The following FAS variants were observed in gnomAD, a reference collection of about 807,000 sequenced individuals.
The protein encoded by FAS is Fas cell surface death receptor.
Under a neutral mutation model 33.2 loss-of-function variants are expected in FAS, and 5 were observed. That is an observed-to-expected ratio of 0.15 (90% confidence interval 0.08 to 0.32). The LOEUF (loss-of-function observed/expected upper bound fraction) is 0.32. Among genes scored for constraint, FAS ranks in the 10% least tolerant of loss-of-function variants. FAS has a pLI of 1.00. For missense variants in FAS, 339 were observed against 386.0 expected, an observed-to-expected ratio of 0.88 and a Z score of 1.02; for synonymous variants, 131 against 130.7, an observed-to-expected ratio of 1.00 and a Z score of -0.01.
chr10:88,974,874 C>T (rs1297110011), intron 2 of FAS: 1 of 152,130 alleles, frequency 6.6e-6, no homozygotes, highest in African/African-American at 2.4e-5. Flanking sequence ...TACTATATAG[C>T]GCTCTAAATC....
Position 89,008,961 on chromosome 10 carries a change from A to G in FAS, c.407A>G (p.Asn136Ser), listed in dbSNP as rs1384882125. ...KCRCKPNFFC[N>S]STVCEHCDPC... is the part of the protein sequence containing the mutation. Reference sequence around the variant, plus strand: ...AGATGTAAACCAAACTTTTTTTGTAACTCTACTGTATGTGAACACTGTGAC... The same window carrying G: ...AGATGTAAACCAAACTTTTTTTGTAGCTCTACTGTATGTGAACACTGTGAC... The change falls in exon 4 of 9, where the codon AAC (asparagine) becomes AGC (serine). Residue 136 changes from asparagine to serine, a missense_variant. This residue lies in a region of FAS where 276 missense variants were observed against 300.1 expected (regional missense o/e 0.92). Coordinates refer to ENST00000652046, the MANE Select transcript of FAS (RefSeq NM_000043.6). The G allele has an allele frequency of 6.2e-7, 1 of 1,613,886 alleles. No individual in the cohort carries two copies. The highest frequency in any genetic ancestry group is 8.5e-7 in the Non-Finnish European group (1 of 1,179,850).
chr10:89,011,105 C>A (rs1172044978), intron 6 of FAS, among the ~76,000 whole-genome samples: 2 of 152,226 alleles, frequency 1.3e-5, no homozygotes, highest in South Asian at 4.1e-4. Flanking sequence ...CAATTCTTCA[C>A]TATTCATTGA....
intron 1 of FAS, among the ~76,000 whole-genome samples, chr10:88,996,664 T>C (rs767507148): frequency 3.3e-5 from 5 of 152,234 alleles, no homozygotes; most frequent in Non-Finnish European, 7.3e-5. Context: ...TTAGCTCGAT[T>C]TAGCTAATTA....
chr10:88,990,390 G>A (rs1847088110), upstream of FAS: 1 of 430,736 alleles, frequency 2.3e-6, no homozygotes, highest in Admixed American at 3.3e-5. This position sits in a 1 kb window ranked among gnomAD's most constrained non-coding sequence, Gnocchi z 4.9. Flanking sequence ...TACAGCAGAA[G>A]CCTTTAGAAA....
chr10:89,005,377 T>G (rs963315621), intron 2 of FAS, among the ~76,000 whole-genome samples: 12 of 152,132 alleles, frequency 7.9e-5, no homozygotes, highest in African/African-American at 2.9e-4. Flanking sequence ...ATATTTACAG[T>G]ATTTTTAAGT....
upstream of FAS, chr10:88,989,695 C>G (rs1212420645): frequency 2.4e-6 from 1 of 415,516 alleles, no homozygotes; most frequent in African/African-American, 2.1e-5. Context: ...TGAGAGGAAG[C>G]CTGAAGGATG....
chr10:89,002,849 A>C (rs9658731), intron 1 of FAS, 180 bp from the exon 2 acceptor site: 9 of 647,056 alleles, frequency 1.4e-5, no homozygotes, highest in Non-Finnish European at 2.4e-5. Context: ...CCTGAGATCC[A>C]AACTGCTATA....
chr10:88,997,895 T>A (rs1336381733), intron 1 of FAS, among the ~76,000 whole-genome samples: 1 of 152,144 alleles, frequency 6.6e-6, no homozygotes, highest in Non-Finnish European at 1.5e-5. Flanking sequence ...TGGAAAGAAG[T>A]AGCTCTAGTT....
chr10:88,977,234 TG>T (rs1846585662), intron 2 of FAS, among the ~76,000 whole-genome samples: 1 of 151,780 alleles, frequency 6.6e-6, no homozygotes, highest in Non-Finnish European at 1.5e-5. Flanking sequence ...ATGAAGTCCT[TG>T]CCCATGCCTA....
At chr10:88,970,365 A>C (rs1846406047) in intron 1 of FAS, among the ~76,000 whole-genome samples, 1 of 151,926 alleles carries the variant, frequency 6.6e-6, no homozygotes, top group Admixed American at 6.6e-5. Flanking sequence ...GTTCCTTTTG[A>C]ATGCAGCAAA....
chr10:89,000,580 T>C (rs1474855033), intron 1 of FAS, among the ~76,000 whole-genome samples: 1 of 152,234 alleles, frequency 6.6e-6, no homozygotes, highest in African/African-American at 2.4e-5. Context: ...ACTTTTTTTT[T>C]CTTGAAATGT....
intron 1 of FAS, among the ~76,000 whole-genome samples, chr10:89,000,878 CTCT>C (rs1847886399): frequency 6.6e-6 from 1 of 150,878 alleles, no homozygotes; most frequent in Non-Finnish European, 1.5e-5. Flanking sequence ...GAAATGCCGT[CTCT>C]ACTAAAAATA....
At chr10:88,998,187 C>T (rs1053542997) in intron 1 of FAS, among the ~76,000 whole-genome samples, 2 of 152,098 alleles carry the variant, frequency 1.3e-5, no homozygotes, top group Admixed American at 1.3e-4. Flanking sequence ...CTGAGGACCA[C>T]GAGGGCAGGA....
At chr10:88,973,409 C>CT in intron 2 of FAS, 1 of 1,307,146 alleles carries the variant, frequency 7.7e-7, no homozygotes, top group Non-Finnish European at 1.0e-6. Context: ...CCGATGAAAA[C>CT]AACTCTTTCT....
chr10:88,984,123 T>C (rs555500224), upstream of FAS, among the ~76,000 whole-genome samples: 1 of 152,348 alleles, frequency 6.6e-6, no homozygotes, highest in African/African-American at 2.4e-5. Context: ...TAAGTAGTGT[T>C]CTTTGTATAG....
At chr10:89,002,100 T>A (rs931709410) in intron 1 of FAS, among the ~76,000 whole-genome samples, 2 of 152,210 alleles carry the variant, frequency 1.3e-5, no homozygotes, top group Admixed American at 6.5e-5. Context: ...CACCTCCCCT[T>A]TCCCCAGTAT....
At chr10:89,007,186 G>T (rs1178469584) in intron 2 of FAS, among the ~76,000 whole-genome samples, 2 of 152,196 alleles carry the variant, frequency 1.3e-5, no homozygotes, top group Admixed American at 1.3e-4. Context: ...TTTTATAGCT[G>T]CTCAAGATTT....
At chr10:88,971,466 G>T (rs1382291571) in intron 1 of FAS, among the ~76,000 whole-genome samples, 1 of 152,180 alleles carries the variant, frequency 6.6e-6, no homozygotes, top group Non-Finnish European at 1.5e-5. Context: ...GAGTGTTTGG[G>T]TAAACAGAAT....
chr10:88,973,677 C>T (rs529339549), intron 2 of FAS: 2 of 166,864 alleles, frequency 1.2e-5, no homozygotes, highest in Non-Finnish European at 2.6e-5. Context: ...ATTTGAATAA[C>T]ACCCATATTC....
Sources: allele counts gnomAD v4.1 joint callset (sites outside exome capture counted in the v4.1 genomes callset), GRCh38; gene constraint gnomAD v4.1.1; regional missense constraint gnomAD v4.1.1; non-coding constraint Gnocchi (gnomAD v3.1); transcripts MANE v1.5; gene names NCBI Gene and HGNC (gene_info 2026-07-23, HGNC 2026-07-21).